HCN1: variants seen among roughly 807,000 people sequenced by gnomAD.
HCN1 encodes potassium/sodium hyperpolarization-activated cyclic nucleotide-gated channel 1.
In HCN1, 13 loss-of-function variants were observed where a neutral mutation model predicts 78.9. The ratio of observed to expected loss-of-function variants is 0.16; its 90% CI spans 0.11 to 0.26. The LOEUF (loss-of-function observed/expected upper bound fraction) is 0.26, where lower values mean the gene tolerates loss of function less well. Ranked by LOEUF, HCN1 falls within the 10% of genes least tolerant of loss-of-function variation. The probability of loss-of-function intolerance (pLI) is 1.00; values close to 1 mark genes in which losing one functional copy is unlikely to be tolerated. For missense variants in HCN1, 810 were observed against 1,154.3 expected (o/e 0.70, Z 4.32); for synonymous variants, 552 against 455.5 (o/e 1.21, Z -2.70).
chr5:45,348,040 A>G (rs1746787927), intron 5 of HCN1, among the ~76,000 whole-genome samples: 2 of 152,168 alleles, frequency 1.3e-5, no homozygotes, highest in Admixed American at 6.5e-5. Flanking sequence ...CCTTGAGAAG[A>G]GCAACTCCAA....
At chr5:45,388,291 T>C (rs1747968306) in intron 4 of HCN1, among the ~76,000 whole-genome samples, 1 of 152,152 alleles carries the variant, frequency 6.6e-6, no homozygotes, top group Non-Finnish European at 1.5e-5. Flanking sequence ...GTCACAGTTC[T>C]GCTTAGTTAG....
chr5:45,289,486 T>C (rs1282186766), intron 6 of HCN1, among the ~76,000 whole-genome samples: 2 of 152,034 alleles, frequency 1.3e-5, no homozygotes, highest in African/African-American at 4.8e-5. Context: ...CTAAAGAAAG[T>C]AACACAACAG....
intron 6 of HCN1, among the ~76,000 whole-genome samples, chr5:45,290,609 A>G (rs543550139): frequency 6.6e-6 from 1 of 152,174 alleles, no homozygotes; most frequent in South Asian, 2.1e-4. Context: ...GTTTGGGATT[A>G]GTTAATTTAA....
At chr5:45,671,511 T>C (rs1746150864) in intron 1 of HCN1, among the ~76,000 whole-genome samples, 1 of 151,482 alleles carries the variant, frequency 6.6e-6, no homozygotes, top group Non-Finnish European at 1.5e-5. Context: ...CTTGTTTGAA[T>C]CTATTTCAGC....
chr5:45,288,278 C>A (rs1366556686), intron 6 of HCN1, among the ~76,000 whole-genome samples: 1 of 152,006 alleles, frequency 6.6e-6, no homozygotes, highest in African/African-American at 2.4e-5. Context: ...TTTTAAATTG[C>A]TAAGTGCTTG....
intron 5 of HCN1, among the ~76,000 whole-genome samples, chr5:45,322,169 C>T (rs1197404575): frequency 6.6e-6 from 1 of 151,778 alleles, no homozygotes; most frequent in Admixed American, 6.6e-5. Flanking sequence ...AGCTATACAA[C>T]AATTAATTTA....
intron 5 of HCN1, among the ~76,000 whole-genome samples, chr5:45,304,949 A>T (rs1222196726): frequency 6.6e-6 from 1 of 152,140 alleles, no homozygotes; most frequent in Non-Finnish European, 1.5e-5. Flanking sequence ...AACATTTTTA[A>T]TCATGCAAAT....
rs184241507 is a variant in HCN1 at position 45,696,148 on chromosome 5, C to A, written c.-55G>T. ...GGCTCCAGACTCGCCGGCCGCCCGG[C>A]GCCGGAGACACGTAGCCGAGAGGGT... On this transcript the variant is annotated 5_prime_UTR_variant, in exon 1 of 8. Transcript: ENST00000303230. The A allele has an allele frequency of 3.3e-3, 3,956 of 1,202,962 alleles. 103 individuals are homozygous for A. In the African/African-American group the frequency reaches 0.058, roughly 18 times the overall value. The allele number at this position is 1,202,962 out of a possible 1,614,324, so 74.5% of individuals were successfully genotyped here.
rs1176444660 is a variant in HCN1, at chr5:45,472,532, AAGGG to A, written c.850-10529_850-10526del. Among the ~76,000 whole-genome samples the A allele has an allele frequency of 8.0e-5, 11 of 137,362 alleles. No individual in the cohort carries two copies. In the South Asian group the frequency reaches 2.2e-3, roughly 27 times the overall value. 90.1% of individuals were successfully genotyped at this position (137,362 alleles called of 152,430 possible). A position where few individuals can be genotyped will look rare whatever the true frequency, so the allele number is the denominator to read the frequency against. On this transcript the variant is annotated intron_variant, in intron 2 of 7. Transcript: ENST00000303230. Reference sequence around the variant, plus strand: ...AGATGGAGGGAGGAAGGGAAGGAGGAAGGGAGGGAGGGAGGGATGGAGGGAGGGA... The same window carrying A: ...AGATGGAGGGAGGAAGGGAAGGAGGAAGGGAGGGAGGGATGGAGGGAGGGA...
chr5:45,644,700 A>C (rs1745511266), intron 2 of HCN1: 1 of 155,482 alleles, frequency 6.4e-6, no homozygotes, highest in Admixed American at 6.5e-5. Context: ...CTTTATATAT[A>C]CAATTTGGAA....
chr5:45,439,822 C>G (rs1047779549), intron 3 of HCN1, among the ~76,000 whole-genome samples: 4 of 151,772 alleles, frequency 2.6e-5, no homozygotes, highest in African/African-American at 7.3e-5. Context: ...CTTCCTGGAA[C>G]AGATGATATT....
At chr5:45,501,352 C>T (rs1742181226) in intron 2 of HCN1, among the ~76,000 whole-genome samples, 1 of 152,110 alleles carries the variant, frequency 6.6e-6, no homozygotes, top group Non-Finnish European at 1.5e-5. Flanking sequence ...CTTAATGTTA[C>T]ATTTATTTTC....
chr5:45,424,121 A>AC (rs1740288913), intron 3 of HCN1, among the ~76,000 whole-genome samples: 2 of 118,594 alleles, frequency 1.7e-5, no homozygotes, highest in African/African-American at 7.1e-5. Flanking sequence ...TAAAAATCCA[A>AC]AAAAAAAAAA....
intron 5 of HCN1, 25 bp from the exon 6 acceptor site, chr5:45,303,864 T>A: frequency 6.3e-7 from 1 of 1,598,580 alleles, no homozygotes; most frequent in Non-Finnish European, 8.6e-7. Context: ...AGTAAACAAA[T>A]ATTAAGAGAG....
chr5:45,466,338 G>T (rs1741270892), intron 2 of HCN1, among the ~76,000 whole-genome samples: 1 of 152,066 alleles, frequency 6.6e-6, no homozygotes. Flanking sequence ...AATAATTGAA[G>T]ACTCTTTATA....
chr5:45,374,038 AATATATATTATATATATT>A (rs1295879531), intron 4 of HCN1, among the ~76,000 whole-genome samples: 1 of 89,374 alleles, frequency 1.1e-5, no homozygotes, highest in African/African-American at 4.6e-5. Context: ...TTATATACAT[AATATATATTATATATATT>A]ATATATATAA....
intron 4 of HCN1, among the ~76,000 whole-genome samples, chr5:45,375,986 A>T (rs1747641329): frequency 8.5e-6 from 1 of 118,042 alleles, no homozygotes; most frequent in African/African-American, 3.5e-5. Flanking sequence ...CATATATTAT[A>T]TATGATATAA....
chr5:45,277,323 GATA>G (rs958559157), intron 6 of HCN1, among the ~76,000 whole-genome samples: 1 of 152,060 alleles, frequency 6.6e-6, no homozygotes, highest in African/African-American at 2.4e-5. Flanking sequence ...AAGAAGTTTT[GATA>G]ATAATTTTGG....
At chr5:45,677,058 A>T (rs73104911) in intron 1 of HCN1, among the ~76,000 whole-genome samples, 94 of 151,936 alleles carry the variant, frequency 6.2e-4, no homozygotes, top group African/African-American at 2.1e-3. Flanking sequence ...GATGCCTGAA[A>T]CATGTGGCTA....
Sources: gnomAD v4.1 joint callset for allele counts (sites outside exome capture counted in the v4.1 genomes callset) on GRCh38, gnomAD v4.1.1 for gene constraint, MANE v1.5 for transcripts, NCBI Gene and HGNC (gene_info 2026-07-23, HGNC 2026-07-21) for gene names.